The following KMT2D variants were observed in gnomAD, a reference collection of about 807,000 sequenced individuals.
KMT2D encodes the protein histone-lysine N-methyltransferase 2D.
KMT2D carries 55 observed loss-of-function variants against 512.7 expected under a neutral mutation model. The ratio of observed to expected loss-of-function variants is 0.11; its 90% CI spans 0.09 to 0.13. KMT2D has a LOEUF of 0.13. KMT2D is among the 10% of genes least tolerant of loss of function. The pLI, the probability that KMT2D is intolerant of heterozygous loss-of-function variation, is 1.00. For synonymous variants in KMT2D, 2,995 were observed against 2,904.0 expected (o/e 1.03, Z -1.01); for missense variants, 6,061 against 7,127.9 (o/e 0.85, Z 5.39).
intron 1 of KMT2D, among the ~76,000 whole-genome samples, chr12:49,059,304 C>T (rs977931367): frequency 3.9e-5 from 6 of 152,122 alleles, no homozygotes; most frequent in Non-Finnish European, 7.3e-5. Flanking sequence ...GGCATCAGGG[C>T]CCGGGTCCTA....
chr12:49,030,847 C>T (rs747088840), intron 41 of KMT2D, 46 bp downstream of exon 41: 1 of 1,612,898 alleles, frequency 6.2e-7, no homozygotes, highest in Non-Finnish European at 8.5e-7. Context: ...ACAGGGTGCC[C>T]CCTATCCTGG....
In KMT2D at chr12:49,030,887, G is replaced by A. The variant is rs764689813; in HGVS notation, c.13671+6C>T. ...GGACCAGGGGGACTGTCTCCTGGGG[G>A]GTCACCTGTTTCAGCTGTTTCAGCA... is the stretch of plus-strand genomic sequence containing the variant. On this transcript the variant is annotated splice_donor_region_variant and intron_variant, in intron 41 of 54. Transcript: ENST00000301067. 1.2e-6 allele frequency: 2 copies of A among 1,613,736 alleles called. No homozygotes were observed. Among genetic ancestry groups the A allele is most frequent in the South Asian group, 2.2e-5 (2 of 91,064 alleles).
intron 35 of KMT2D, chr12:49,036,084 G>A (rs1943201016): frequency 6.6e-6 from 1 of 152,168 alleles, no homozygotes; most frequent in Admixed American, 6.5e-5. Context: ...TGGACAAAAA[G>A]TATAAAGTGC....
Position 49,048,748 on chromosome 12 carries a change from G to A in KMT2D, c.4042C>T (p.Pro1348Ser), listed in dbSNP as rs1427544026. ...TCTTCTTCCTCCTCCTCCTTACTGG[G>A]AGAGCTATCAATGTCAGCAACCTGA... ...TLVVADIDSS[P>S]SKEEEEEDDD... Residue 1348 changes from proline to serine, a missense_variant, in exon 14 of 55, where the codon CCC (proline) becomes TCC (serine). Pro to Ser is a moderately conservative substitution (Grantham distance 74). Around this residue, in one of 16 missense-constraint regions of KMT2D, gnomAD observed 447 missense variants for 500.1 expected, o/e 0.89. Transcript: ENST00000301067. 1 of 1,609,656 alleles carries A rather than the reference G, an allele frequency of 6.2e-7. No homozygotes were observed. Among genetic ancestry groups the A allele is most frequent in the Non-Finnish European group, 8.5e-7 (1 of 1,177,118 alleles).
At position 49,051,755 on chromosome 12, in the gene KMT2D, G is replaced by A. The variant is rs2120675778; in HGVS notation, c.1928C>T (p.Pro643Leu). Residue 643 changes from proline (P) to leucine (L), a missense_variant, in exon 11 of 55, where the codon CCT becomes CTT. Physicochemically the swap from Pro to Leu is moderately conservative, Grantham distance 98 (BLOSUM62 -3). Around this residue, in one of 16 missense-constraint regions of KMT2D, gnomAD observed 848 missense variants for 838.5 expected, o/e 1.01. Transcript: ENST00000301067. ...CGATACCTCAGGTGGGGGGGACATA[G>A]GTGATTCTTCAGGTGGTGGGGACAT... is the stretch of plus-strand genomic sequence containing the variant. Reference protein sequence around the residue: ...SPMSPPPEESPMSPPPEVSRL... With the variant: ...SPMSPPPEESLMSPPPEVSRL... 1.2e-6 allele frequency: 2 copies of A among 1,606,160 alleles called. No individual in the cohort carries two copies. Among genetic ancestry groups the A allele is most frequent in the East Asian group, 2.2e-5 (1 of 44,564 alleles).
At chr12:49,043,839 T>C (rs2120573973) in intron 23 of KMT2D, 29 bp downstream of exon 23, 4 of 1,613,972 alleles carry the variant, frequency 2.5e-6, no homozygotes, top group Non-Finnish European at 3.4e-6. Flanking sequence ...CACAGACACC[T>C]CCCTCACTGC....
rs745842900 is a variant in KMT2D, at chr12:49,026,961, C to T, written c.15005G>A (p.Arg5002Gln). 1.5e-5 allele frequency: 24 copies of T among 1,613,896 alleles called. 2 individuals are homozygous for T. The highest frequency in any genetic ancestry group is 3.3e-4 in the Middle Eastern group (2 of 6,084). The change falls in exon 49 of 55, where the codon CGG becomes CAG. Residue 5002 changes from arginine to glutamine, a missense_variant. Coordinates refer to ENST00000301067, the MANE Select transcript of KMT2D (RefSeq NM_003482.4). The surrounding 1 kb of genome is among the most constrained non-coding windows in gnomAD (Gnocchi z 9.6). ...LLLTIQKGSG[R>Q]QEDEREVAEF... Reference sequence around the variant, plus strand: ...TGCCACTTCCCGCTCATCCTCCTGCCGCCCACTGCCCTTCTGGATGGTCAG... The same window carrying T: ...TGCCACTTCCCGCTCATCCTCCTGCTGCCCACTGCCCTTCTGGATGGTCAG...
chr12:49,022,477 C>T lies in KMT2D; in HGVS notation c.16338+113G>A. ...GTTGCATGTACTTCATTTCTCCTGCCTTTCCCTTCTCCCCACCACAGCTTT... is the reference window on the plus strand; with the variant it reads ...GTTGCATGTACTTCATTTCTCCTGCTTTTCCCTTCTCCCCACCACAGCTTT... On this transcript the variant is annotated intron_variant, in intron 52 of 54. Coordinates refer to ENST00000301067, the MANE Select transcript of KMT2D (RefSeq NM_003482.4). This position sits in a 1 kb window ranked among gnomAD's most constrained non-coding sequence, Gnocchi z 8.6. 6.6e-7 allele frequency: 1 copy of T among 1,510,224 alleles called. No individual in the cohort carries two copies. The highest frequency in any genetic ancestry group is 1.7e-5 in the Admixed American group (1 of 57,932). 93.6% of individuals were successfully genotyped at this position (1,510,224 alleles called of 1,614,324 possible).
rs1028572772 is a variant in KMT2D at position 49,037,888 on chromosome 12, T to C, written c.9468A>G (p.Pro3156=). 3 of 1,600,090 alleles carry C rather than the reference T, an allele frequency of 1.9e-6. No homozygotes were observed. The highest frequency in any genetic ancestry group is 1.3e-5 in the African/African-American group (1 of 74,698). The change falls in exon 35 of 55, where the codon CCA becomes CCG. Residue 3156 remains proline (P), a synonymous_variant. Coordinates refer to ENST00000301067, the MANE Select transcript of KMT2D (RefSeq NM_003482.4). ...CCCGGCTGCCCATCATGCTCTGTCC[T>C]GGCTTTAGCCCCAGGCCAAGGGAAT... The part of the protein sequence containing the change: ...AANSLGLGLK[P]GQSMMGSRDT...
chr12:49,047,244 T>C (rs1293214816), intron 15 of KMT2D, among the ~76,000 whole-genome samples: 1 of 152,010 alleles, frequency 6.6e-6, no homozygotes, highest in Non-Finnish European at 1.5e-5. Flanking sequence ...CAGAGCACCC[T>C]TGTCCCCAAA....
In KMT2D at chr12:49,021,710, T is replaced by C. The variant is rs1012121986; in HGVS notation, c.*70A>G. ...TCCTGGCTCTGGCTGCTACCTCTCTTCCCCCTCATCCCTTTCAGGGAAGAG... is the reference window on the plus strand; with the variant it reads ...TCCTGGCTCTGGCTGCTACCTCTCTCCCCCCTCATCCCTTTCAGGGAAGAG... On this transcript the variant is annotated 3_prime_UTR_variant, in exon 55 of 55. Coordinates refer to ENST00000301067, the MANE Select transcript of KMT2D (RefSeq NM_003482.4). The C allele has an allele frequency of 5.4e-6, 7 of 1,293,028 alleles. 1 individual carries two copies. The Middle Eastern group carries it at 7.1e-4, about 132-fold the overall frequency. 80.1% of individuals were successfully genotyped at this position (1,293,028 alleles called of 1,614,324 possible). A position where few individuals can be genotyped will look rare whatever the true frequency, so the allele number is the denominator to read the frequency against.
chr12:49,031,385 T>C lies in KMT2D; in HGVS notation c.13320A>G (p.Ile4440Met), dbSNP rs1278059709. Residue 4440 changes from isoleucine (I) to methionine (M), a missense_variant, in exon 40 of 55, where the codon ATA (isoleucine) becomes ATG (methionine). Physicochemically the swap from Ile to Met is conservative, Grantham distance 10. Transcript: ENST00000301067. ...SVKREANGEP[I>M]GAPGTSNHLL... ...GGTGGTTGCTGGTTCCTGGTGCCCC[T>C]ATTGGCTCCCCATTGGCCTCCCTCT... The C allele has an allele frequency of 6.2e-7, 1 of 1,613,482 alleles. No homozygotes were observed. Among genetic ancestry groups the C allele is most frequent in the Non-Finnish European group, 8.5e-7 (1 of 1,179,886 alleles).
At position 49,030,751 on chromosome 12, in the gene KMT2D, G is replaced by A. The variant is rs11168830; in HGVS notation, c.13689C>T (p.Pro4563=). 92,415 of 1,613,506 alleles carry A rather than the reference G, an allele frequency of 0.057. 5,881 individuals carry two copies. The highest frequency in any genetic ancestry group is 0.28 in the Admixed American group (16,603 of 60,006). The change falls in exon 42 of 55, where the codon CCC becomes CCT. Residue 4563 remains proline, a synonymous_variant. Transcript: ENST00000301067. ...TGGCGGTGATAGCAGGCTCCGTTAG[G>A]GGCAGCAGGGACAGCTCCTACAAGG... ...KQLKQELSLL[P]LTEPAITANF...
rs201512665 is a variant in KMT2D, at chr12:49,052,287, G to A, written c.1396C>T (p.Arg466Cys). The A allele has an allele frequency of 3.2e-5, 52 of 1,603,364 alleles. No individual in the cohort carries two copies. The highest frequency in any genetic ancestry group is 1.7e-4 in the Middle Eastern group (1 of 5,990). ...SPTSPPPEAS[R>C]LSPPPEELPA... ...AATTCCTCAGGTGGTGGTGACAGGC[G>A]TGATGCCTCAGGTGGTGGGGACGTG... Residue 466 changes from arginine (R) to cysteine (C), a missense_variant, in exon 11 of 55, where the codon CGC becomes TGC. Physicochemically the swap from Arg to Cys is radical, Grantham distance 180 (BLOSUM62 -3). Coordinates refer to ENST00000301067, the MANE Select transcript of KMT2D (RefSeq NM_003482.4).
Position 49,052,067 on chromosome 12 carries a change from G to C in KMT2D, c.1616C>G (p.Pro539Arg). 1 of 1,613,504 alleles carries C rather than the reference G, an allele frequency of 6.2e-7. No individual in the cohort carries two copies. ...SPALETPLSPPPEASPLSPPF... is the reference protein window; with the variant it reads ...SPALETPLSPRPEASPLSPPF... ...TGGGGACAGGGGCGATGCTTCAGGT[G>C]GTGGGGATAGAGGCGTCTCAAGTGC... Residue 539 changes from proline (P) to arginine (R), a missense_variant, in exon 11 of 55, where the codon CCA becomes CGA. Transcript: ENST00000301067.
rs1014845953 is a variant in KMT2D, at chr12:49,039,803, A to G, written c.7967T>C (p.Leu2656Ser). The change falls in exon 32 of 55, where the codon TTG (leucine) becomes TCG (serine). Residue 2656 changes from leucine (L) to serine (S), a missense_variant. Transcript: ENST00000301067. This position sits in a 1 kb window ranked among gnomAD's most constrained non-coding sequence, Gnocchi z 5.0. ...GGTACCTGGGAGTTCAGCTGTCGCC[A>G]AAGAGCTACCCATTCCAGTCCCTGG... is the stretch of plus-strand genomic sequence containing the variant. The part of the protein sequence containing the change: ...EDPGTGMGSS[L>S]ATAELPGTQD... 3 of 1,613,884 alleles carry G rather than the reference A, an allele frequency of 1.9e-6. No homozygotes were observed. Among genetic ancestry groups the G allele is most frequent in the Admixed American group, 1.7e-5 (1 of 60,004 alleles).
rs1191950897 is a variant in KMT2D, at chr12:49,051,228, G to T, written c.2455C>A (p.Pro819Thr). Residue 819 changes from proline (P) to threonine (T), a missense_variant, in exon 11 of 55, where the codon CCT (proline) becomes ACT (threonine). Pro to Thr is a conservative substitution (Grantham distance 38, BLOSUM62 -1). Around this residue, in one of 16 missense-constraint regions of KMT2D, gnomAD observed 848 missense variants for 838.5 expected, o/e 1.01. Coordinates refer to ENST00000301067, the MANE Select transcript of KMT2D (RefSeq NM_003482.4). ...TGGGGGGACAAGCATGGCTCCTCAG[G>T]CACAGGAGACAGGTGCGGCTCCTCA... ...QTEEPHLSPV[P>T]EEPCLSPQPE... is the part of the protein sequence containing the mutation. 5 of 1,521,164 alleles carry T rather than the reference G, an allele frequency of 3.3e-6. No individual in the cohort carries two copies. The South Asian group carries it at 5.2e-5, about 16-fold the overall frequency. 94.2% of individuals were successfully genotyped at this position (1,521,164 alleles called of 1,614,324 possible). A position where few individuals can be genotyped will look rare whatever the true frequency, so the allele number is the denominator to read the frequency against.
At position 49,021,585 on chromosome 12, in the gene KMT2D, G is replaced by A; in HGVS notation, c.*195C>T. The stretch of plus-strand genomic sequence containing the variant: ...CAGCCTGAGGGCCGGTGGTGGGGAA[G>A]AGGATTGTCCCTGGTGCCCAGGGTG... On this transcript the variant is annotated 3_prime_UTR_variant, in exon 55 of 55. Transcript: ENST00000301067. 1 of 567,700 alleles carries A rather than the reference G, an allele frequency of 1.8e-6. No homozygotes were observed. Among genetic ancestry groups the A allele is most frequent in the East Asian group, 2.9e-5 (1 of 34,966 alleles). 35.2% of individuals were successfully genotyped at this position (567,700 alleles called of 1,614,324 possible).
rs1938015342 is a variant in KMT2D, at chr12:49,051,501, G to A, written c.2182C>T (p.Leu728=). The change falls in exon 11 of 55, where the codon CTA becomes TTA. Residue 728 remains leucine, a synonymous_variant. Coordinates refer to ENST00000301067, the MANE Select transcript of KMT2D (RefSeq NM_003482.4). ...GGGCAGAGTTGCGGCTCCTCAGGTA[G>A]TGGCAACAGGGGTGACTCCTCCAGC... ...LPLEESPLLP[L]PEEPQLCPRS... 1 of 1,613,796 alleles carries A rather than the reference G, an allele frequency of 6.2e-7. No individual in the cohort carries two copies. The highest frequency in any genetic ancestry group is 2.2e-5 in the East Asian group (1 of 44,884).
Sources: allele counts gnomAD v4.1 joint callset (sites outside exome capture counted in the v4.1 genomes callset), GRCh38; gene constraint gnomAD v4.1.1; regional missense constraint gnomAD v4.1.1; non-coding constraint Gnocchi (gnomAD v3.1); transcripts MANE v1.5; gene names NCBI Gene and HGNC (gene_info 2026-07-23, HGNC 2026-07-21).